The following HAT1 variants were observed in gnomAD, a reference collection of about 807,000 sequenced individuals.
The protein encoded by HAT1 is histone acetyltransferase type B catalytic subunit.
Under a neutral mutation model 56.6 loss-of-function variants are expected in HAT1, and 20 were observed. The observed-to-expected ratio is 0.35, with a 90% CI of 0.25 to 0.51. The LOEUF is 0.51. Ranked by LOEUF, HAT1 falls within the 20% of genes least tolerant of loss-of-function variation. The pLI is 0.95. For synonymous variants in HAT1, 146 were observed against 165.5 expected (o/e 0.88, Z 0.91); for missense variants, 408 against 504.3 (o/e 0.81, Z 1.83).
At chr2:171,957,784 A>T (rs1166741689) in intron 4 of HAT1, among the ~76,000 whole-genome samples, 1 of 152,248 alleles carries the variant, frequency 6.6e-6, no homozygotes, top group Non-Finnish European at 1.5e-5. Flanking sequence ...TCACTAAATC[A>T]TATTTATAAA....
At chr2:171,966,603 GT>G in intron 7 of HAT1, 90 bp downstream of exon 7, 2 of 723,632 alleles carry the variant, frequency 2.8e-6, no homozygotes, top group Non-Finnish European at 5.0e-6. Flanking sequence ...GTGTTGATTT[GT>G]TTAAAAAAAA....
intron 4 of HAT1, among the ~76,000 whole-genome samples, chr2:171,957,219 C>A (rs1266924215): frequency 6.6e-6 from 1 of 152,186 alleles, no homozygotes; most frequent in Non-Finnish European, 1.5e-5. Context: ...ACATGTGCTA[C>A]CTTTAAAGAA....
At chr2:171,935,346 C>G (rs1686846834) in intron 2 of HAT1, among the ~76,000 whole-genome samples, 1 of 149,210 alleles carries the variant, frequency 6.7e-6, no homozygotes, top group Non-Finnish European at 1.5e-5. Context: ...GAAACCCCGT[C>G]TCTACTAAAA....
chr2:171,938,135 T>A (rs768758678), intron 2 of HAT1, among the ~76,000 whole-genome samples: 24 of 150,918 alleles, frequency 1.6e-4, no homozygotes, highest in Admixed American at 3.3e-4. Context: ...CTCACACTTA[T>A]AATCCCAGCA....
Position 171,935,695 on chromosome 2 carries a change from A to G in HAT1, c.112+10054A>G, listed in dbSNP as rs544425511. Among the ~76,000 whole-genome samples the G allele has an allele frequency of 2.0e-5, 3 of 151,848 alleles. No homozygotes were observed. The East Asian group carries it at 5.8e-4, about 29-fold the overall frequency. On this transcript the variant is annotated intron_variant, in intron 2 of 10. Transcript: ENST00000264108. ...AGTTTGAGACCAGCTTGGGCAACAT[A>G]GGGAGACCCCATTTCTACAAAAAAT...
chr2:171,954,506 C>T (rs998046787), intron 4 of HAT1, among the ~76,000 whole-genome samples: 8 of 151,884 alleles, frequency 5.3e-5, no homozygotes, highest in South Asian at 2.1e-4. Flanking sequence ...GCCAACATGG[C>T]AAAACCCCGT....
At chr2:171,935,515 CAAAAAAA>C (rs56220004) in intron 2 of HAT1, among the ~76,000 whole-genome samples, 5 of 55,652 alleles carry the variant, frequency 9.0e-5, no homozygotes, top group Non-Finnish European at 1.3e-4. Flanking sequence ...AACTCCATCT[CAAAAAAA>C]AAAAAAAAAA....
At chr2:171,951,649 C>G (rs548226292) in intron 3 of HAT1, among the ~76,000 whole-genome samples, 1 of 139,904 alleles carries the variant, frequency 7.1e-6, no homozygotes, top group African/African-American at 2.8e-5. Flanking sequence ...GCAGGCAGGT[C>G]TTGAACTCCT....
chr2:171,982,143 A>G (rs1370982303), intron 10 of HAT1, among the ~76,000 whole-genome samples: 2 of 152,046 alleles, frequency 1.3e-5, no homozygotes, highest in Non-Finnish European at 2.9e-5. Context: ...TTAAAGAATG[A>G]TAATTCTTTT....
chr2:171,938,637 A>G (rs1194837004), intron 2 of HAT1, among the ~76,000 whole-genome samples: 1 of 152,154 alleles, frequency 6.6e-6, no homozygotes, highest in Non-Finnish European at 1.5e-5. Context: ...TCACAAGGAT[A>G]AGATGTTGAG....
chr2:171,953,073 G>GCAC, intron 4 of HAT1, 72 bp downstream of exon 4: 3 of 1,027,888 alleles, frequency 2.9e-6, no homozygotes, highest in Non-Finnish European at 4.2e-6. Context: ...GGCCAGGTGC[G>GCAC]GTGGCTCACA....
rs534129122 is a variant in HAT1 at position 171,942,174 on chromosome 2, G to A, written c.113-4534G>A. Among the ~76,000 whole-genome samples, 76 of 152,246 alleles carry A rather than the reference G, an allele frequency of 5.0e-4. 1 individual carries two copies. The highest frequency in any genetic ancestry group is 1.8e-3 in the African/African-American group (76 of 41,540). On this transcript the variant is annotated intron_variant, in intron 2 of 10. Coordinates refer to ENST00000264108, the MANE Select transcript of HAT1 (RefSeq NM_003642.4). Reference sequence around the variant, plus strand: ...CCTGCCTTGGCCTCCCAAAGTGCTGGGATTACAGGCATGAGCCACTGTGCC... The same window carrying A: ...CCTGCCTTGGCCTCCCAAAGTGCTGAGATTACAGGCATGAGCCACTGTGCC...
rs772402108 is a variant in HAT1, at chr2:171,976,230, T to C, written c.897T>C (p.Cys299=). Residue 299 remains cysteine, a synonymous_variant, in exon 9 of 11, where the codon TGT becomes TGC. Transcript: ENST00000264108. ...TGAAGCTTTGTCAAGATTTGCCCTGTTTTTCCCGGGAAAAATTAATGCAAG... is the reference window on the plus strand; with the variant it reads ...TGAAGCTTTGTCAAGATTTGCCCTGCTTTTCCCGGGAAAAATTAATGCAAG... ...VLVKLCQDLP[C]FSREKLMQGF... is the part of the protein sequence containing the mutation. 2 of 1,595,402 alleles carry C rather than the reference T, an allele frequency of 1.3e-6. No homozygotes were observed. The highest frequency in any genetic ancestry group is 1.7e-6 in the Non-Finnish European group (2 of 1,169,776).
At chr2:171,981,094 T>C (rs1380220608) in intron 10 of HAT1, among the ~76,000 whole-genome samples, 1 of 151,292 alleles carries the variant, frequency 6.6e-6, no homozygotes, top group Non-Finnish European at 1.5e-5. Flanking sequence ...TGCTTGAACC[T>C]GGGAGGCAGA....
chr2:171,925,112 G>A (rs905392834), intron 1 of HAT1, among the ~76,000 whole-genome samples: 2 of 123,386 alleles, frequency 1.6e-5, no homozygotes, highest in African/African-American at 3.1e-5. Context: ...TTGCTCTGTC[G>A]CCCAGGCTAG....
In HAT1 at chr2:171,966,463, G is replaced by A; in HGVS notation, c.666G>A (p.Met222Ile). 1 of 1,602,808 alleles carries A rather than the reference G, an allele frequency of 6.2e-7. No homozygotes were observed. The highest frequency in any genetic ancestry group is 8.5e-7 in the Non-Finnish European group (1 of 1,169,678). Residue 222 changes from methionine (M) to isoleucine (I), a missense_variant, in exon 7 of 11, where the codon ATG (methionine) becomes ATA (isoleucine). Coordinates refer to ENST00000264108, the MANE Select transcript of HAT1 (RefSeq NM_003642.4). ...CGCTCTTTGCGACCGTAGGCTACAT[G>A]ACAGTCTATAATTACTATGTGTACC... The part of the protein sequence containing the change: ...GATLFATVGY[M>I]TVYNYYVYPD...
intron 1 of HAT1, chr2:171,924,155 A>G (rs1686515828): frequency 6.7e-6 from 1 of 150,130 alleles, no homozygotes; most frequent in Non-Finnish European, 1.5e-5. Context: ...ATAGCACATC[A>G]TTGTACCCCT....
At chr2:171,977,553 ATATATTTTTTTTTT>A (rs1185445598) in intron 9 of HAT1, among the ~76,000 whole-genome samples, 5 of 10,950 alleles carry the variant, frequency 4.6e-4, no homozygotes, top group Non-Finnish European at 8.3e-4. Flanking sequence ...ATATATATAT[ATATATTTTTTTTTT>A]TTTTTTTTTT....
At chr2:171,977,697 C>G (rs907175704) in intron 9 of HAT1, among the ~76,000 whole-genome samples, 1 of 150,884 alleles carries the variant, frequency 6.6e-6, no homozygotes, top group Admixed American at 6.6e-5. Flanking sequence ...GCCACATGCT[C>G]TGGCTACTTT....
Sources: allele counts gnomAD v4.1 joint callset (sites outside exome capture counted in the v4.1 genomes callset), GRCh38; gene constraint gnomAD v4.1.1; transcripts MANE v1.5; gene names NCBI Gene and HGNC (gene_info 2026-07-23, HGNC 2026-07-21).